PKD1L1: variants seen among roughly 807,000 people sequenced by gnomAD.
The protein encoded by PKD1L1 is polycystin-1-like protein 1.
Under a neutral mutation model 323.4 loss-of-function variants are expected in PKD1L1, and 236 were observed. That is an observed-to-expected ratio of 0.73 (90% confidence interval 0.66 to 0.81). The LOEUF (loss-of-function observed/expected upper bound fraction) is 0.81, where lower values mean the gene tolerates loss of function less well. PKD1L1 is among the 40% of genes least tolerant of loss of function. PKD1L1 has a pLI of 0.00. For missense variants in PKD1L1, 3,320 were observed against 3,508.0 expected, an observed-to-expected ratio of 0.95 and a Z score of 1.35; for synonymous variants, 1,344 against 1,335.0, an observed-to-expected ratio of 1.01 and a Z score of -0.15.
rs1403485264 is a variant in PKD1L1, at chr7:47,886,052, G to A, written c.2839C>T (p.Pro947Ser). Residue 947 changes from proline to serine, a missense_variant and splice_region_variant, in exon 18 of 57, where the codon CCC (proline) becomes TCC (serine). Coordinates refer to ENST00000289672, the MANE Select transcript of PKD1L1 (RefSeq NM_138295.5). ...NATEKNRIEV[P>S]FCRVVGLLGS... ...AGCAGCCCCACTACTCTGCAGAAGG[G>A]AACTTAAGCAAACGTTTGGCAGTGT... is the stretch of plus-strand genomic sequence containing the variant. The A allele has an allele frequency of 6.3e-7, 1 of 1,599,912 alleles. No homozygotes were observed. The highest frequency in any genetic ancestry group is 8.5e-7 in the Non-Finnish European group (1 of 1,172,822).
At position 47,800,228 on chromosome 7, in the gene PKD1L1, G is replaced by A. The variant is rs142398966; in HGVS notation, c.8193+421C>T. ...GAAACAGGGAGCCATTCCTCCTTCA[G>A]CCGCTAGCCTGGAGAACACGTCCAG... On this transcript the variant is annotated intron_variant, in intron 54 of 56. Coordinates refer to ENST00000289672, the MANE Select transcript of PKD1L1 (RefSeq NM_138295.5). Among the ~76,000 whole-genome samples the A allele has an allele frequency of 6.2e-3, 952 of 152,332 alleles. 5 individuals are homozygous for A. The highest frequency in any genetic ancestry group is 9.9e-3 in the Non-Finnish European group (676 of 68,028).
chr7:47,880,881 A>G, intron 20 of PKD1L1, 76 bp from the exon 21 acceptor site: 1 of 1,188,946 alleles, frequency 8.4e-7, no homozygotes, highest in Non-Finnish European at 1.2e-6. Flanking sequence ...GTCCTTGGAA[A>G]TGAGTTCCAC....
rs1784939539 is a variant in PKD1L1 at position 47,813,203 on chromosome 7, G to A, written c.7264C>T (p.Pro2422Ser). ...TTCAGGGTCACGTTTTGGTTCTCTG[G>A]GTCTATCAGGTAGGGGTTCTCAGGG... ...GGPENPYLID[P>S]ENQNVTLNGP... The change falls in exon 49 of 57, where the codon CCA becomes TCA. Residue 2422 changes from proline (P) to serine (S), a missense_variant. By Grantham distance (74) the Pro-to-Ser change is moderately conservative (BLOSUM62 -1). Transcript: ENST00000289672. 1 of 1,614,058 alleles carries A rather than the reference G, an allele frequency of 6.2e-7. No homozygotes were observed. Among genetic ancestry groups the A allele is most frequent in the Non-Finnish European group, 8.5e-7 (1 of 1,180,038 alleles).
chr7:47,887,736 G>A (rs75716957), intron 17 of PKD1L1, among the ~76,000 whole-genome samples: 7,992 of 152,232 alleles, frequency 0.052, 538 homozygotes, highest in African/African-American at 0.16. Context: ...GCCTACACAG[G>A]TGTTGGGCGC....
intron 45 of PKD1L1, among the ~76,000 whole-genome samples, chr7:47,824,929 A>G (rs1785212748): frequency 6.6e-6 from 1 of 152,200 alleles, no homozygotes; most frequent in Admixed American, 6.5e-5. Flanking sequence ...TTCATGTTTT[A>G]CTTACTGTGT....
intron 21 of PKD1L1, among the ~76,000 whole-genome samples, chr7:47,878,258 G>C (rs925095621): frequency 2.0e-5 from 3 of 152,166 alleles, no homozygotes; most frequent in African/African-American, 7.2e-5. Context: ...ACATGGAACA[G>C]ATATACCCTA....
chr7:47,957,862 A>ATATATATATAT, the PKD1L1 span, among the ~76,000 whole-genome samples: 36 of 134,696 alleles, frequency 2.7e-4, 1 homozygote, highest in African/African-American at 3.4e-4. Context: ...ATTAAAAAAA[A>ATATATATATAT]ATATATATAT....
intron 53 of PKD1L1, 61 bp downstream of exon 53, chr7:47,803,149 G>A (rs1784701222): frequency 3.2e-6 from 5 of 1,565,692 alleles, no homozygotes; most frequent in Non-Finnish European, 4.4e-6. Flanking sequence ...GAGAAAGGCT[G>A]ACGAGTACAC....
intron 7 of PKD1L1, among the ~76,000 whole-genome samples, chr7:47,919,887 A>G (rs1787500280): frequency 6.6e-6 from 1 of 152,186 alleles, no homozygotes; most frequent in East Asian, 1.9e-4. Context: ...AAAGCCAACT[A>G]TGACAGACCC....
intron 31 of PKD1L1, among the ~76,000 whole-genome samples, chr7:47,850,696 AC>A (rs2128740507): frequency 6.6e-6 from 1 of 152,062 alleles, no homozygotes; most frequent in Non-Finnish European, 1.5e-5. Context: ...AAAAAAGTGA[AC>A]CTAGCTGTAT....
In PKD1L1 at chr7:47,890,548, G is replaced by A. The variant is rs371987076; in HGVS notation, c.2669C>T (p.Ala890Val). 38 of 1,613,834 alleles carry A rather than the reference G, an allele frequency of 2.4e-5. No homozygotes were observed. Among genetic ancestry groups the A allele is most frequent in the African/African-American group, 8.0e-5 (6 of 74,918 alleles). Residue 890 changes from alanine (A) to valine (V), a missense_variant, in exon 16 of 57, where the codon GCG becomes GTG. Ala to Val is a moderately conservative substitution (Grantham distance 64, BLOSUM62 0). Coordinates refer to ENST00000289672, the MANE Select transcript of PKD1L1 (RefSeq NM_138295.5). The stretch of plus-strand genomic sequence containing the variant: ...TGAATACAGGGTCAGGTACCTGAAC[G>A]CCGAGTCAGGGTAGGGGGACAGGAA... ...RVFLSPYPDS[A>V]FRFVHISWVS...
At chr7:47,928,148 G>T (rs1360177128) in intron 7 of PKD1L1, among the ~76,000 whole-genome samples, 1 of 152,194 alleles carries the variant, frequency 6.6e-6, no homozygotes, top group African/African-American at 2.4e-5. Flanking sequence ...ACACATAAAA[G>T]ATATAAGAAG....
At chr7:47,847,908 A>G (rs1000120585) in intron 31 of PKD1L1, among the ~76,000 whole-genome samples, 1 of 152,202 alleles carries the variant, frequency 6.6e-6, no homozygotes. Flanking sequence ...TAACATATAA[A>G]GAGCTCTTAA....
intron 7 of PKD1L1, among the ~76,000 whole-genome samples, chr7:47,928,823 T>C (rs764338531): frequency 7.1e-6 from 1 of 140,274 alleles, no homozygotes; most frequent in Non-Finnish European, 1.5e-5. Flanking sequence ...TGCATATGTG[T>C]GTGCATGAGC....
At chr7:47,801,021 G>T (rs113589732) in intron 53 of PKD1L1, 142 bp from the exon 54 acceptor site, 1 of 742,344 alleles carries the variant, frequency 1.3e-6, no homozygotes, top group Non-Finnish European at 2.2e-6. Context: ...CCCTGGTTTT[G>T]AACCCAAAAG....
intron 7 of PKD1L1, among the ~76,000 whole-genome samples, chr7:47,917,665 G>T (rs866312916): frequency 6.6e-6 from 1 of 151,958 alleles, no homozygotes; most frequent in African/African-American, 2.4e-5. Flanking sequence ...GGAAGGGTTT[G>T]GTCAGTCTCT....
intron 3 of PKD1L1, among the ~76,000 whole-genome samples, chr7:47,937,259 T>TGGGGGGGGGGGGGGGGGGGGG (rs10610147): frequency 1.4e-5 from 1 of 73,088 alleles, no homozygotes; most frequent in Admixed American, 1.6e-4. Context: ...GGGGTGGGGG[T>TGGGGGGGGGGGGGGGGGGGGG]GGGGGGGGGG....
intron 7 of PKD1L1, among the ~76,000 whole-genome samples, chr7:47,927,024 T>C (rs1787667684): frequency 6.6e-6 from 1 of 152,218 alleles, no homozygotes. Flanking sequence ...TGCCAGGATA[T>C]ATATTCAAAT....
At chr7:47,905,486 C>T (rs775417206) in intron 10 of PKD1L1, among the ~76,000 whole-genome samples, 161 bp from the exon 11 acceptor site, 8 of 152,218 alleles carry the variant, frequency 5.3e-5, no homozygotes, top group African/African-American at 9.6e-5. Flanking sequence ...GCTGTGGGCA[C>T]GCGGTAGGCA....
Sources: allele counts gnomAD v4.1 joint callset (sites outside exome capture counted in the v4.1 genomes callset), GRCh38; gene constraint gnomAD v4.1.1; transcripts MANE v1.5; gene names NCBI Gene and HGNC (gene_info 2026-07-23, HGNC 2026-07-21).